Variants in SPTBN5 observed in about 807,000 individuals in gnomAD.
SPTBN5 encodes spectrin beta, non-erythrocytic 5, also known as spectrin beta chain, non-erythrocytic 5.
Under a neutral mutation model 477.6 loss-of-function variants are expected in SPTBN5, and 513 were observed. That is an observed-to-expected ratio of 1.07 (90% CI 1.00 to 1.16). SPTBN5 has a LOEUF of 1.16. Ranked by LOEUF, SPTBN5 falls within the 50% of genes most tolerant of loss-of-function variation. The pLI is 0.00. For missense variants in SPTBN5, 5,062 were observed against 4,731.8 expected (o/e 1.07, Z -2.05); for synonymous variants, 2,169 against 2,011.7 (o/e 1.08, Z -2.09).
intron 39 of SPTBN5, among the ~76,000 whole-genome samples, chr15:41,865,317 T>C (rs367696935): frequency 1.3e-5 from 2 of 152,208 alleles, no homozygotes; most frequent in East Asian, 1.9e-4. Flanking sequence ...TCCAGGCATA[T>C]GTCCTATCTT....
intron 36 of SPTBN5, 53 bp from the exon 37 acceptor site, chr15:41,866,546 A>G (rs748578853): frequency 1.4e-6 from 2 of 1,469,648 alleles, no homozygotes; most frequent in African/African-American, 2.8e-5. Context: ...CAGGCCCCAG[A>G]CGCCACAGGC....
chr15:41,876,654 G>GGT lies in SPTBN5; in HGVS notation c.3852-8_3852-7insAC. 2 of 1,474,362 alleles carry GGT rather than the reference G, an allele frequency of 1.4e-6. No homozygotes were observed. Among genetic ancestry groups the GGT allele is most frequent in the Non-Finnish European group, 1.9e-6 (2 of 1,076,812 alleles). The allele number at this position is 1,474,362 out of a possible 1,614,324, so 91.3% of individuals were successfully genotyped here. The stretch of plus-strand genomic sequence containing the variant: ...CTGCAGCTGCTCTCTGACCCTGGAG[G>GGT]GCGGGGGGGGGTTGGAGGAGGGCAT... On this transcript the variant is annotated splice_polypyrimidine_tract_variant and splice_region_variant and intron_variant, in intron 19 of 67. Coordinates refer to ENST00000320955, the MANE Select transcript of SPTBN5 (RefSeq NM_016642.4).
rs1446308050 is a variant in SPTBN5, at chr15:41,861,448, C to T, written c.7786G>A (p.Glu2596Lys). 4 of 1,613,682 alleles carry T rather than the reference C, an allele frequency of 2.5e-6. No homozygotes were observed. Among genetic ancestry groups the T allele is most frequent in the South Asian group, 1.1e-5 (1 of 91,088 alleles). ...AGACCCTCACTGGCTAGGGAGTCTT[C>T]CTTGCTGCAAAGCCAACGTTCCATC... ...EKMERWLCSK[E>K]DSLASEGLWD... Residue 2596 changes from glutamate to lysine, a missense_variant, in exon 46 of 68, where the codon GAA becomes AAA. Glu to Lys is a moderately conservative substitution (Grantham distance 56, BLOSUM62 1). Coordinates refer to ENST00000320955, the MANE Select transcript of SPTBN5 (RefSeq NM_016642.4).
intron 11 of SPTBN5, 43 bp downstream of exon 11, chr15:41,882,226 C>CGCCGG (rs1232657213): frequency 7.9e-7 from 1 of 1,267,298 alleles, no homozygotes; most frequent in South Asian, 1.6e-5. Context: ...ACCCCCGCCT[C>CGCCGG]GCCGGGCCCC....
rs745892382 is a variant in SPTBN5 at position 41,857,629 on chromosome 15, C to G, written c.8308G>C (p.Gly2770Arg). 14 of 1,603,252 alleles carry G rather than the reference C, an allele frequency of 8.7e-6. No individual in the cohort carries two copies. In the South Asian group the frequency reaches 9.0e-5, roughly 10 times the overall value. Residue 2770 changes from glycine (G) to arginine (R), a missense_variant, in exon 50 of 68, where the codon GGT becomes CGT. Coordinates refer to ENST00000320955, the MANE Select transcript of SPTBN5 (RefSeq NM_016642.4). The stretch of plus-strand genomic sequence containing the variant: ...TTCTGGGAGTTGTCTTGCAGCTCAC[C>G]CCAGAGTGCTCCCAGCTCCTCCAGT... ...ERLEELGALW[G>R]ELQDNSQKKV... is the part of the protein sequence containing the mutation.
At chr15:41,851,650 C>A (rs1390922372) in intron 63 of SPTBN5, 129 bp downstream of exon 63, 7 of 712,516 alleles carry the variant, frequency 9.8e-6, no homozygotes, top group Non-Finnish European at 1.4e-5. Context: ...ACTGCCTGGA[C>A]AGCATGGTGG....
At chr15:41,890,061 G>A (rs765950828) in intron 4 of SPTBN5, 28 bp downstream of exon 4, 4 of 1,505,970 alleles carry the variant, frequency 2.7e-6, no homozygotes, top group Non-Finnish European at 3.7e-6. Context: ...GGGTCACCAG[G>A]TGCTGGGTAC....
chr15:41,868,140 G>A lies in SPTBN5; in HGVS notation c.6136C>T (p.Gln2046Ter), dbSNP rs1465052998. 4 of 1,595,414 alleles carry A rather than the reference G, an allele frequency of 2.5e-6. No individual in the cohort carries two copies. Among genetic ancestry groups the A allele is most frequent in the Non-Finnish European group, 3.4e-6 (4 of 1,172,322 alleles). ...AAGAGCTGCTCCTGCTGCTCGGCCT[G>A]CAGCCTCTCTTGCTTCCGTGCCCAG... ...QTWARKQERLQAEQQEQLFLR... is the reference protein window; with the variant it reads ...QTWARKQERL The change falls in exon 34 of 68, where the codon CAG (glutamine) becomes TAG (stop). Residue 2046 changes from glutamine to a stop codon, truncating the protein, a stop_gained. Transcript: ENST00000320955. LOFTEE classifies it high-confidence loss of function.
At position 41,851,341 on chromosome 15, in the gene SPTBN5, C is replaced by A. The variant is rs770453483; in HGVS notation, c.10685G>T (p.Arg3562Leu). Residue 3562 changes from arginine to leucine, a missense_variant, in exon 64 of 68, where the codon CGC becomes CTC. Coordinates refer to ENST00000320955, the MANE Select transcript of SPTBN5 (RefSeq NM_016642.4). ...CAGAGAGCTGCCCTGCAAGTTCCCGCGGCAGCTGTCCCAGGAGCTCGAGCT... is the reference window on the plus strand; with the variant it reads ...CAGAGAGCTGCCCTGCAAGTTCCCGAGGCAGCTGTCCCAGGAGCTCGAGCT... ...QPSSSSWDSC[R>L]GNLQGSSLSL... 4 of 1,550,920 alleles carry A rather than the reference C, an allele frequency of 2.6e-6. No homozygotes were observed. The highest frequency in any genetic ancestry group is 1.4e-5 in the African/African-American group (1 of 73,076).
At chr15:41,851,173 G>T (rs1181549592) in intron 64 of SPTBN5, 23 bp from the exon 65 acceptor site, 1 of 1,607,026 alleles carries the variant, frequency 6.2e-7, no homozygotes. Flanking sequence ...GAGAGGCAGG[G>T]GTCACTGCGG....
At chr15:41,888,849 C>T (rs1189759804) in intron 4 of SPTBN5, among the ~76,000 whole-genome samples, 2 of 152,228 alleles carry the variant, frequency 1.3e-5, no homozygotes, top group Admixed American at 6.5e-5. Flanking sequence ...GTAGGAAGGA[C>T]GTGCATGGTG....
In SPTBN5 at chr15:41,848,236, C is replaced by T. The variant is rs571921074; in HGVS notation, c.*380G>A. On this transcript the variant is annotated 3_prime_UTR_variant, in exon 68 of 68. Coordinates refer to ENST00000320955, the MANE Select transcript of SPTBN5 (RefSeq NM_016642.4). ...ACATGGCAAGGGCTGGTACAGAGCT[C>T]GCTCATCAGTGTTCTTCCTCCGAAG... 17 of 492,982 alleles carry T rather than the reference C, an allele frequency of 3.4e-5. No homozygotes were observed. Among genetic ancestry groups the T allele is most frequent in the African/African-American group, 2.1e-4 (11 of 51,774 alleles). 30.5% of individuals were successfully genotyped at this position (492,982 alleles called of 1,614,324 possible).
rs184663655 is a variant in SPTBN5, at chr15:41,855,525, G to A, written c.9218+24C>T. On this transcript the variant is annotated intron_variant, in intron 54 of 67. Transcript: ENST00000320955. ...GTAGGGGGCTTCTCTCTGCTCCTTC[G>A]CGGATGGTGTGGCTTCCGCCCACCT... 7.7e-4 allele frequency: 1,238 copies of A among 1,604,024 alleles called. 14 individuals are homozygous for A. In the Admixed American group the frequency reaches 0.017, roughly 22 times the overall value.
Position 41,882,633 on chromosome 15 carries a change from G to A in SPTBN5, c.1998C>T (p.Ala666=). ...CGATCTGGCTGAGATCCCGGCCCAG[G>A]GCCGCATTCCCCACCCGCTGTCCGC... is the stretch of plus-strand genomic sequence containing the variant. ...KECGQRVGNA[A]LGRDLSQIAG... is the part of the protein sequence containing the mutation. The change falls in exon 10 of 68, where the codon GCC becomes GCT. Residue 666 remains alanine, a synonymous_variant. Transcript: ENST00000320955. 1 of 1,607,570 alleles carries A rather than the reference G, an allele frequency of 6.2e-7. No individual in the cohort carries two copies. Among genetic ancestry groups the A allele is most frequent in the Non-Finnish European group, 8.5e-7 (1 of 1,177,840 alleles).
intron 67 of SPTBN5, 107 bp downstream of exon 67, chr15:41,849,762 C>T (rs571557384): frequency 3.5e-6 from 3 of 861,238 alleles, no homozygotes; most frequent in East Asian, 2.7e-5. Flanking sequence ...CCCTACAGCC[C>T]AACAGAGTAA....
chr15:41,875,513 C>A lies in SPTBN5; in HGVS notation c.4232G>T (p.Arg1411Leu), dbSNP rs181128984. The A allele has an allele frequency of 1.2e-6, 2 of 1,612,558 alleles. No homozygotes were observed. The highest frequency in any genetic ancestry group is 2.2e-5 in the East Asian group (1 of 44,868). Residue 1411 changes from arginine to leucine, a missense_variant, in exon 22 of 68, where the codon CGT becomes CTT. Transcript: ENST00000320955. ...TCCAGCCTGCTGGAGCTCGTCCCCA[C>A]GCTCAGTCATCTTGCGGTTCAAAGC... ...WEALNRKMTE[R>L]GDELQQAGQQ...
At chr15:41,860,375 A>G (rs2066063997) in intron 47 of SPTBN5, among the ~76,000 whole-genome samples, 2 of 152,376 alleles carry the variant, frequency 1.3e-5, no homozygotes, top group South Asian at 4.1e-4. Flanking sequence ...TGAAGAAGGA[A>G]GTGGGATTTT....
Position 41,887,987 on chromosome 15 carries a change from T to C in SPTBN5, c.600A>G (p.Thr200=). 1.2e-6 allele frequency: 2 copies of C among 1,606,062 alleles called. No homozygotes were observed. Among genetic ancestry groups the C allele is most frequent in the Non-Finnish European group, 1.7e-6 (2 of 1,176,602 alleles). Residue 200 remains threonine, a synonymous_variant, in exon 5 of 68, where the codon ACA becomes ACG. Transcript: ENST00000320955. ...KTASYTNVNI[T]DFSRSWSDGL... is the part of the protein sequence containing the mutation. ...CATCGCTCCAGCTTCGGGAGAAATC[T>C]GTAATGTTCACGTTGGTGTAGCTGG... is the stretch of plus-strand genomic sequence containing the variant.
chr15:41,893,695 T>C (rs1010390746), intron 1 of SPTBN5, 149 bp from the exon 2 acceptor site: 5 of 977,736 alleles, frequency 5.1e-6, no homozygotes, highest in Non-Finnish European at 7.3e-6. Flanking sequence ...TCTGGTCCCC[T>C]GTGCTTGAAT....
Sources: gnomAD v4.1 joint callset for allele counts (sites outside exome capture counted in the v4.1 genomes callset) on GRCh38, gnomAD v4.1.1 for gene constraint, MANE v1.5 for transcripts, NCBI Gene and HGNC (gene_info 2026-07-23, HGNC 2026-07-21) for gene names.